Variants in ENPP3 observed in about 807,000 individuals in gnomAD.
ENPP3 encodes the protein ectonucleotide pyrophosphatase/phosphodiesterase 3, also known as ectonucleotide pyrophosphatase/phosphodiesterase family member 3.
A neutral mutation model predicts 117.8 loss-of-function variants in ENPP3; 104 were observed. The ratio of observed to expected loss-of-function variants is 0.88; its 90% CI spans 0.75 to 1.04. ENPP3 has a LOEUF of 1.04. Among genes scored for constraint, ENPP3 ranks in the 50% least tolerant of loss-of-function variants. ENPP3 has a pLI of 0.00. For missense variants in ENPP3, 1,026 were observed against 1,051.9 expected (o/e 0.98, Z 0.34); for synonymous variants, 380 against 349.9 (o/e 1.09, Z -0.96).
At chr6:131,676,084 C>T (rs553247573) in intron 9 of ENPP3, among the ~76,000 whole-genome samples, 2 of 152,240 alleles carry the variant, frequency 1.3e-5, no homozygotes, top group South Asian at 4.1e-4. Context: ...GGACATTGCA[C>T]TGGCTGTTCA....
intron 15 of ENPP3, chr6:131,700,855 C>T (rs1451536742): frequency 8.6e-7 from 1 of 1,164,978 alleles, no homozygotes; most frequent in African/African-American, 3.6e-5. Context: ...AGTTTGAGAA[C>T]AGCCAAGATT....
chr6:131,724,200 AGATTTTATTGCC>A, intron 19 of ENPP3, 109 bp downstream of exon 19: 1 of 669,592 alleles, frequency 1.5e-6, no homozygotes. Flanking sequence ...CTGAACATAA[AGATTTTATTGCC>A]AATATACAAA....
intron 6 of ENPP3, among the ~76,000 whole-genome samples, chr6:131,664,917 G>A (rs12207523): frequency 0.081 from 12,306 of 152,118 alleles, 852 homozygotes; most frequent in East Asian, 0.33. Context: ...TAAGCAATGC[G>A]TGACTGACTG....
chr6:131,669,832 C>A (rs997891371), intron 6 of ENPP3, among the ~76,000 whole-genome samples: 1 of 151,972 alleles, frequency 6.6e-6, no homozygotes, highest in Non-Finnish European at 1.5e-5. Context: ...GGAAGGAGAC[C>A]AACCCCATGT....
intron 1 of ENPP3, among the ~76,000 whole-genome samples, chr6:131,639,778 C>T (rs1778004115): frequency 6.6e-6 from 1 of 152,086 alleles, no homozygotes. Context: ...ACCCCAATAT[C>T]AAGAAGCTTT....
chr6:131,701,192 G>C, intron 15 of ENPP3: 2 of 1,014,318 alleles, frequency 2.0e-6, no homozygotes, highest in Non-Finnish European at 2.9e-6. Context: ...AGGCGTAGGC[G>C]ATGTCGACGA....
At chr6:131,735,519 C>G (rs540257940) in intron 21 of ENPP3, among the ~76,000 whole-genome samples, 17 of 152,216 alleles carry the variant, frequency 1.1e-4, no homozygotes, top group African/African-American at 3.9e-4. Context: ...ACTCGGGAGG[C>G]TGAGGCAGGA....
Position 131,693,135 on chromosome 6 carries a change from A to AC in ENPP3, c.1285-357dup, listed in dbSNP as rs535684751. 6.2e-3 allele frequency among the ~76,000 whole-genome samples: 918 copies of AC among 147,000 alleles called. 5 individuals carry two copies. The highest frequency in any genetic ancestry group is 0.022 in the African/African-American group (873 of 40,064). On this transcript the variant is annotated intron_variant, in intron 14 of 24. Transcript: ENST00000357639. ...TGGTTATATACACACACACACACAC[A>AC]CCCCCAGGAATAAAAACTGAAAACA...
intron 6 of ENPP3, among the ~76,000 whole-genome samples, chr6:131,662,379 A>G (rs1478288188): frequency 1.3e-5 from 2 of 152,142 alleles, no homozygotes; most frequent in African/African-American, 2.4e-5. Flanking sequence ...AGTTGAGACT[A>G]CAGGCACTGC....
At chr6:131,646,289 T>C (rs574997414) in intron 2 of ENPP3, among the ~76,000 whole-genome samples, 30 of 149,072 alleles carry the variant, frequency 2.0e-4, no homozygotes, top group Admixed American at 5.3e-4. Flanking sequence ...TGTGTGTGTG[T>C]GTGTGTGTGT....
Position 131,740,338 on chromosome 6 carries a change from C to T in ENPP3, c.2415C>T (p.Pro805=). The change falls in exon 24 of 25, where the codon CCC becomes CCT. Residue 805 remains proline (P), a synonymous_variant. Transcript: ENST00000357639. ...ENCPGWLDVL[P]FIIPHRPTNV... The stretch of plus-strand genomic sequence containing the variant: ...GCCCTGGGTGGCTGGATGTCCTACC[C>T]TTTATCATCCCTCACCGACCTACCA... The T allele has an allele frequency of 6.2e-7, 1 of 1,612,076 alleles. No individual in the cohort carries two copies. Among genetic ancestry groups the T allele is most frequent in the Non-Finnish European group, 8.5e-7 (1 of 1,179,008 alleles).
chr6:131,746,232 T>C (rs1379857600), intron 24 of ENPP3, among the ~76,000 whole-genome samples: 3 of 152,162 alleles, frequency 2.0e-5, no homozygotes, highest in Admixed American at 6.5e-5. Context: ...TATCAATATG[T>C]AACGCAAAAT....
intron 6 of ENPP3, among the ~76,000 whole-genome samples, chr6:131,662,869 C>T (rs1332931969): frequency 1.3e-5 from 2 of 151,990 alleles, no homozygotes; most frequent in Non-Finnish European, 2.9e-5. Context: ...CTTCTTTTCC[C>T]AATATTTTAT....
chr6:131,685,383 T>C lies in ENPP3; in HGVS notation c.1140T>C (p.Cys380=). Residue 380 remains cysteine, a synonymous_variant, in exon 13 of 25, where the codon TGT becomes TGC. Transcript: ENST00000357639. ...ATTCAGGAATGGACCAGACTTATTG[T>C]AACAAGATGGAATACATGACTGATT... ...LADHGMDQTY[C]NKMEYMTDYF... 2.5e-6 allele frequency: 4 copies of C among 1,612,154 alleles called. No individual in the cohort carries two copies. Among genetic ancestry groups the C allele is most frequent in the Non-Finnish European group, 3.4e-6 (4 of 1,178,270 alleles).
Position 131,726,029 on chromosome 6 carries a change from T to G in ENPP3, c.1799-17T>G. The G allele has an allele frequency of 6.3e-7, 1 of 1,588,252 alleles. No homozygotes were observed. Among genetic ancestry groups the G allele is most frequent in the Non-Finnish European group, 8.6e-7 (1 of 1,159,434 alleles). On this transcript the variant is annotated splice_polypyrimidine_tract_variant and intron_variant, in intron 19 of 24. Coordinates refer to ENST00000357639, the MANE Select transcript of ENPP3 (RefSeq NM_005021.5). The stretch of plus-strand genomic sequence containing the variant: ...TAATTTCATGAACCTTTTTATTTTA[T>G]GTTATTTTAATTTTAGTAACAGCAA...
chr6:131,687,935 T>A (rs1779188954), intron 14 of ENPP3, among the ~76,000 whole-genome samples: 1 of 152,162 alleles, frequency 6.6e-6, no homozygotes, highest in Non-Finnish European at 1.5e-5. Context: ...CTTACCTTGC[T>A]TCACTGCATT....
chr6:131,675,032 C>A, intron 8 of ENPP3, 48 bp from the exon 9 acceptor site: 1 of 1,114,686 alleles, frequency 9.0e-7, no homozygotes, highest in Non-Finnish European at 1.4e-6. Flanking sequence ...TACACCATTT[C>A]TACCCAAAGT....
chr6:131,720,335 A>G lies in ENPP3; in HGVS notation c.1523A>G (p.Glu508Gly). The G allele has an allele frequency of 1.9e-6, 3 of 1,601,568 alleles. No individual in the cohort carries two copies. Among genetic ancestry groups the G allele is most frequent in the Non-Finnish European group, 2.6e-6 (3 of 1,172,828 alleles). Residue 508 changes from glutamate (E) to glycine (G), a missense_variant, in exon 17 of 25, where the codon GAA (glutamate) becomes GGA (glycine). Transcript: ENST00000357639. ...GGACCCAGTTTTAAAGAGAAGACTG[A>G]AGTTGAACCATTTGAAAATATTGAA... ...AHGPSFKEKT[E>G]VEPFENIEVY...
At chr6:131,655,922 C>T (rs1778375258) in intron 5 of ENPP3, among the ~76,000 whole-genome samples, 1 of 152,202 alleles carries the variant, frequency 6.6e-6, no homozygotes, top group African/African-American at 2.4e-5. Context: ...TCATTCCTGC[C>T]TATACCTTCC....
Sources: allele counts gnomAD v4.1 joint callset (sites outside exome capture counted in the v4.1 genomes callset), GRCh38; gene constraint gnomAD v4.1.1; transcripts MANE v1.5; gene names NCBI Gene and HGNC (gene_info 2026-07-23, HGNC 2026-07-21).